LYRM4: variants seen among roughly 807,000 people sequenced by gnomAD.
LYRM4 encodes LYR motif containing 4.
Under a neutral mutation model 11.7 loss-of-function variants are expected in LYRM4, and 9 were observed. The observed-to-expected ratio is 0.77, with a 90% confidence interval of 0.46 to 1.34. LYRM4 has a LOEUF of 1.34. Among genes scored for constraint, LYRM4 ranks in the 40% most tolerant of loss-of-function variants. LYRM4 has a pLI of 0.00. For missense variants in LYRM4, 133 were observed against 112.5 expected (o/e 1.18, Z -0.82); for synonymous variants, 42 against 40.4 (o/e 1.04, Z -0.15).
intron 2 of LYRM4, among the ~76,000 whole-genome samples, chr6:5,133,517 C>T (rs1033056008): frequency 6.6e-5 from 10 of 152,282 alleles, no homozygotes; most frequent in Non-Finnish European, 1.3e-4. Context: ...CCTTGGAGGG[C>T]TTTAGAATAT....
At chr6:5,216,759 A>G (rs749104344) in intron 1 of LYRM4, 21 bp from the exon 2 acceptor site, 27 of 1,605,428 alleles carry the variant, frequency 1.7e-5, no homozygotes, top group South Asian at 4.5e-5. Context: ...TCAGAGGAAA[A>G]AAAAGAAAAG....
At chr6:5,072,680 G>A in the LYRM4 span, among the ~76,000 whole-genome samples, 1 of 151,208 alleles carries the variant, frequency 6.6e-6, no homozygotes, top group South Asian at 2.1e-4. Flanking sequence ...GTGGTAGAAC[G>A]CAGATGTGGT....
the LYRM4 span, among the ~76,000 whole-genome samples, chr6:5,073,316 G>A: frequency 2.6e-5 from 4 of 152,104 alleles, no homozygotes; most frequent in Admixed American, 2.0e-4. Flanking sequence ...GTTACAGTGA[G>A]CTGAGATAGT....
intron 1 of LYRM4, among the ~76,000 whole-genome samples, chr6:5,218,869 A>G (rs928097924): frequency 1.3e-5 from 2 of 152,246 alleles, no homozygotes; most frequent in Non-Finnish European, 2.9e-5. Flanking sequence ...ACTTTCTTGC[A>G]TAGCCTAATG....
At chr6:5,169,790 T>C (rs1286494968) in intron 2 of LYRM4, among the ~76,000 whole-genome samples, 1 of 152,224 alleles carries the variant, frequency 6.6e-6, no homozygotes, top group East Asian at 1.9e-4. Flanking sequence ...CAGATCACCT[T>C]GCATTCTGTG....
chr6:5,225,805 C>T (rs1420615346), intron 1 of LYRM4, among the ~76,000 whole-genome samples: 2 of 152,158 alleles, frequency 1.3e-5, no homozygotes, highest in African/African-American at 4.8e-5. Flanking sequence ...GGCTGTTTTC[C>T]TCATAGGAAG....
At chr6:5,145,542 G>T (rs2127631017) in intron 2 of LYRM4, among the ~76,000 whole-genome samples, 1 of 152,254 alleles carries the variant, frequency 6.6e-6, no homozygotes, top group South Asian at 2.1e-4. Flanking sequence ...CCACACCTAA[G>T]GCCCTCTACC....
At chr6:5,092,867 C>T in the LYRM4 span, among the ~76,000 whole-genome samples, 8 of 152,154 alleles carry the variant, frequency 5.3e-5, no homozygotes, top group Non-Finnish European at 8.8e-5. Context: ...AGCCAGCAAA[C>T]CCAGAGCCCC....
chr6:5,035,493 A>G, the LYRM4 span, among the ~76,000 whole-genome samples: 13 of 131,750 alleles, frequency 9.9e-5, no homozygotes, highest in Non-Finnish European at 6.5e-5. Flanking sequence ...ACTCTCCTCC[A>G]CCTCCCCCAC....
the LYRM4 span, chr6:5,066,167 C>T: frequency 1.5e-6 from 1 of 646,076 alleles, no homozygotes; most frequent in Non-Finnish European, 2.9e-6. Context: ...TGGGTGTATA[C>T]ATCAAATGAC....
chr6:5,171,299 C>T (rs1246850612), intron 2 of LYRM4, among the ~76,000 whole-genome samples: 1 of 152,194 alleles, frequency 6.6e-6, no homozygotes, highest in African/African-American at 2.4e-5. Context: ...AGCTCCTACC[C>T]TAACTCTCCT....
At chr6:5,137,444 C>G (rs1319646170) in intron 2 of LYRM4, among the ~76,000 whole-genome samples, 2 of 152,170 alleles carry the variant, frequency 1.3e-5, no homozygotes, top group Non-Finnish European at 2.9e-5. Flanking sequence ...GATTCTCAGA[C>G]AAGCAAAAAC....
intron 2 of LYRM4, among the ~76,000 whole-genome samples, chr6:5,151,084 AT>A (rs10599613): frequency 0.053 from 7,279 of 136,592 alleles, 196 homozygotes; most frequent in Middle Eastern, 0.13. Context: ...TTTGTTTTGA[AT>A]TTTTTTTTTT....
chr6:5,085,696 G>C, the LYRM4 span: 2 of 1,547,932 alleles, frequency 1.3e-6, no homozygotes, highest in Non-Finnish European at 1.7e-6. Flanking sequence ...CCAGGAGCAG[G>C]AGGAGCTGCT....
At chr6:5,236,285 T>C (rs931048608) in intron 1 of LYRM4, 34 of 151,812 alleles carry the variant, frequency 2.2e-4, no homozygotes, top group Admixed American at 1.7e-3. Context: ...GCCAACATGG[T>C]GAAACCCCGT....
intron 2 of LYRM4, among the ~76,000 whole-genome samples, chr6:5,170,115 G>C (rs927431167): frequency 6.6e-6 from 1 of 152,198 alleles, no homozygotes; most frequent in African/African-American, 2.4e-5. Flanking sequence ...GGCTGAAGAG[G>C]TTATGGGATT....
chr6:5,181,376 A>AC (rs1210991204), intron 2 of LYRM4, among the ~76,000 whole-genome samples: 1 of 152,012 alleles, frequency 6.6e-6, no homozygotes, highest in East Asian at 1.9e-4. Context: ...ATGGTTTTCT[A>AC]CCCTGTATTG....
chr6:5,059,887 A>G, the LYRM4 span, among the ~76,000 whole-genome samples: 1 of 151,708 alleles, frequency 6.6e-6, no homozygotes, highest in African/African-American at 2.4e-5. Context: ...TGCAGCCTTG[A>G]ACTCCTGGGC....
rs370875881 is a variant in LYRM4, at chr6:5,129,787, T to C, written c.208-20296A>G. Among the ~76,000 whole-genome samples, 5 of 152,338 alleles carry C rather than the reference T, an allele frequency of 3.3e-5. No individual in the cohort carries two copies. In the East Asian group the frequency reaches 7.7e-4, roughly 23 times the overall value. ...TTTTTAAAAATGTAATGTATCTTAC[T>C]GTGGAAAATGTGAAAATGTAGGACC... is the stretch of plus-strand genomic sequence containing the variant. On this transcript the variant is annotated intron_variant, in intron 2 of 2. Transcript: ENST00000330636.
Sources: gnomAD v4.1 joint callset for allele counts (sites outside exome capture counted in the v4.1 genomes callset) on GRCh38, gnomAD v4.1.1 for gene constraint, MANE v1.5 for transcripts, NCBI Gene and HGNC (gene_info 2026-07-23, HGNC 2026-07-21) for gene names.